KLHDC8A: variants seen among roughly 807,000 people sequenced by gnomAD.
The protein encoded by KLHDC8A is kelch domain-containing protein 8A.
Under a neutral mutation model 33.1 loss-of-function variants are expected in KLHDC8A, and 21 were observed. That is an observed-to-expected ratio of 0.64 (90% confidence interval 0.45 to 0.91). The LOEUF is 0.91. Ranked by LOEUF, KLHDC8A falls within the 40% of genes least tolerant of loss-of-function variation. The pLI is 0.00. For missense variants in KLHDC8A, 435 were observed against 483.3 expected (o/e 0.90, Z 0.94); for synonymous variants, 173 against 193.5 (o/e 0.89, Z 0.88).
At chr1:205,355,446 A>C (rs1663240208) in intron 1 of KLHDC8A, among the ~76,000 whole-genome samples, 1 of 152,116 alleles carries the variant, frequency 6.6e-6, no homozygotes, top group South Asian at 2.1e-4. Flanking sequence ...ATAGAACTTC[A>C]TCTATAACTA....
In KLHDC8A at chr1:205,343,427, T is replaced by C. The variant is rs1662849200; in HGVS notation, c.178A>G (p.Thr60Ala). The change falls in exon 2 of 6, where the codon ACC becomes GCC. Residue 60 changes from threonine (T) to alanine (A), a missense_variant. Coordinates refer to ENST00000367155, the MANE Select transcript of KLHDC8A (RefSeq NM_018203.3). ...GCTGTGGGCAGCCGGGGCAAGGCGGTCCACTGGTCGGCCTCCGGGGAGTAG... is the reference window on the plus strand; with the variant it reads ...GCTGTGGGCAGCCGGGGCAAGGCGGCCCACTGGTCGGCCTCCGGGGAGTAG... ...EVYSPEADQW[T>A]ALPRLPTARA... 3 of 1,613,284 alleles carry C rather than the reference T, an allele frequency of 1.9e-6. No individual in the cohort carries two copies. The highest frequency in any genetic ancestry group is 2.5e-6 in the Non-Finnish European group (3 of 1,179,808).
chr1:205,352,952 C>G (rs570358337), intron 1 of KLHDC8A, among the ~76,000 whole-genome samples: 59 of 152,374 alleles, frequency 3.9e-4, no homozygotes, highest in African/African-American at 1.3e-3. Context: ...CCAGACCTAA[C>G]AGCTGCCCCC....
chr1:205,343,134 A>C, intron 2 of KLHDC8A, 95 bp downstream of exon 2: 2 of 1,487,664 alleles, frequency 1.3e-6, no homozygotes, highest in South Asian at 1.3e-5. Flanking sequence ...ACTAAACTCC[A>C]CAGCCCACAG....
intron 1 of KLHDC8A, among the ~76,000 whole-genome samples, chr1:205,349,321 A>G (rs1460229620): frequency 1.3e-5 from 2 of 152,190 alleles, no homozygotes; most frequent in African/African-American, 4.8e-5. Context: ...TCCTTCAGCT[A>G]TCCTCCCTGC....
Position 205,339,816 on chromosome 1 carries a change from G to C in KLHDC8A, c.377-8C>G, listed in dbSNP as rs1254892923. ...CCGCATATACTCGGTAATCTAAGAA[G>C]AAAGGCCATACATGCCCCTGGCTTA... On this transcript the variant is annotated splice_polypyrimidine_tract_variant and splice_region_variant and intron_variant, in intron 2 of 5. Transcript: ENST00000367155. This position sits in a 1 kb window ranked among gnomAD's most constrained non-coding sequence, Gnocchi z 5.1. 1.9e-6 allele frequency: 3 copies of C among 1,612,916 alleles called. No homozygotes were observed. In the East Asian group the frequency reaches 6.7e-5, roughly 36 times the overall value.
intron 1 of KLHDC8A, among the ~76,000 whole-genome samples, chr1:205,353,872 G>A (rs532515154): frequency 2.0e-5 from 3 of 152,322 alleles, no homozygotes; most frequent in East Asian, 1.9e-4. Context: ...GCACTAAGAG[G>A]TCTATTTACA....
At position 205,354,107 on chromosome 1, in the gene KLHDC8A, G is replaced by A. The variant is rs548482543; in HGVS notation, c.-190+2426C>T. On this transcript the variant is annotated intron_variant, in intron 1 of 5. Transcript: ENST00000367155. ...CAGGGCAATTGGGACTTAGGCTTTA[G>A]GGATCCAGGCCCCACCTCAGCTCGC... 5.9e-5 allele frequency among the ~76,000 whole-genome samples: 9 copies of A among 152,340 alleles called. No homozygotes were observed. In the South Asian group the frequency reaches 1.0e-3, roughly 18 times the overall value.
chr1:205,356,833 C>T lies in KLHDC8A; in HGVS notation c.-490G>A, dbSNP rs1663291218. 1 of 286,996 alleles carries T rather than the reference C, an allele frequency of 3.5e-6. No homozygotes were observed. 17.8% of individuals were successfully genotyped at this position (286,996 alleles called of 1,614,324 possible). ...CTGAGTTCCAGGAGGCGTGACCCCC[C>T]TACTGAGAGGGCCTCAGCCAGCTCG... On this transcript the variant is annotated 5_prime_UTR_variant, in exon 1 of 6. Transcript: ENST00000367155.
In KLHDC8A at chr1:205,339,040, T is replaced by C. The variant is rs1459919792; in HGVS notation, c.757+154A>G. ...CAATGAAGGAATTTGATTCCAAGAGTAGCCCTGAGTGGAGAGGGGTGCTGA... is the reference window on the plus strand; with the variant it reads ...CAATGAAGGAATTTGATTCCAAGAGCAGCCCTGAGTGGAGAGGGGTGCTGA... On this transcript the variant is annotated intron_variant, in intron 4 of 5. Transcript: ENST00000367155. The surrounding 1 kb of genome is among the most constrained non-coding windows in gnomAD (Gnocchi z 5.1). Among the ~76,000 whole-genome samples, 2 of 151,794 alleles carry C rather than the reference T, an allele frequency of 1.3e-5. No individual in the cohort carries two copies. Among genetic ancestry groups the C allele is most frequent in the African/African-American group, 4.8e-5 (2 of 41,288 alleles).
In KLHDC8A at chr1:205,343,402, G is replaced by T. The variant is rs762201216; in HGVS notation, c.203C>A (p.Ala68Asp). The change falls in exon 2 of 6, where the codon GCC (alanine) becomes GAC (aspartate). Residue 68 changes from alanine (A) to aspartate (D), a missense_variant. Transcript: ENST00000367155. ...QWTALPRLPT[A>D]RAGVAVTALG... Reference sequence around the variant, plus strand: ...GGCGGTGACGGCCACCCCCGCCCGGGCTGTGGGCAGCCGGGGCAAGGCGGT... The same window carrying T: ...GGCGGTGACGGCCACCCCCGCCCGGTCTGTGGGCAGCCGGGGCAAGGCGGT... The T allele has an allele frequency of 6.2e-7, 1 of 1,613,202 alleles. No individual in the cohort carries two copies. Among genetic ancestry groups the T allele is most frequent in the East Asian group, 2.2e-5 (1 of 44,870 alleles).
intron 1 of KLHDC8A, among the ~76,000 whole-genome samples, chr1:205,353,246 A>G (rs930088340): frequency 6.6e-6 from 1 of 152,234 alleles, no homozygotes; most frequent in African/African-American, 2.4e-5. Flanking sequence ...TTGGGGAAAA[A>G]AAATCAAAAG....
rs1419029929 is a variant in KLHDC8A, at chr1:205,339,474, AG to A, written c.542-66del. ...GTCCCTGAGGACAGCGACAGTGAAA[AG>A]GGTTTCCCCTTTTGACAGTTACTCA... On this transcript the variant is annotated intron_variant, in intron 3 of 5. Coordinates refer to ENST00000367155, the MANE Select transcript of KLHDC8A (RefSeq NM_018203.3). This position sits in a 1 kb window ranked among gnomAD's most constrained non-coding sequence, Gnocchi z 5.1. 7 of 1,508,822 alleles carry A rather than the reference AG, an allele frequency of 4.6e-6. No individual in the cohort carries two copies. In the Admixed American group the frequency reaches 1.3e-4, roughly 27 times the overall value. The allele number at this position is 1,508,822 out of a possible 1,614,324, so 93.5% of individuals were successfully genotyped here.
Position 205,339,175 on chromosome 1 carries a change from G to C in KLHDC8A, c.757+19C>G. 1.2e-6 allele frequency: 2 copies of C among 1,606,264 alleles called. No individual in the cohort carries two copies. The highest frequency in any genetic ancestry group is 1.7e-6 in the Non-Finnish European group (2 of 1,173,790). On this transcript the variant is annotated intron_variant, in intron 4 of 5. Transcript: ENST00000367155. This position sits in a 1 kb window ranked among gnomAD's most constrained non-coding sequence, Gnocchi z 5.1. ...GGCAGTGGGCAGCCAGAGCTTCCTG[G>C]GGAAGGTGACCAGCTCACCCTGTTC...
At chr1:205,345,847 C>T (rs753752807) in intron 1 of KLHDC8A, among the ~76,000 whole-genome samples, 3 of 150,910 alleles carry the variant, frequency 2.0e-5, no homozygotes, top group African/African-American at 4.9e-5. Context: ...GGCCGAGGTA[C>T]GTGGATCACC....
chr1:205,343,012 A>T (rs1301872918), intron 2 of KLHDC8A, among the ~76,000 whole-genome samples: 1 of 152,054 alleles, frequency 6.6e-6, no homozygotes, highest in African/African-American at 2.4e-5. Context: ...GACCCCAAAT[A>T]GGTGTCTGGG....
intron 1 of KLHDC8A, among the ~76,000 whole-genome samples, chr1:205,349,064 G>C (rs1574913395): frequency 6.6e-6 from 1 of 152,156 alleles, no homozygotes; most frequent in East Asian, 1.9e-4. Context: ...CCCCAGCATA[G>C]AGAAGCCTCA....
chr1:205,345,206 G>A (rs1342980292), intron 1 of KLHDC8A, among the ~76,000 whole-genome samples: 1 of 152,132 alleles, frequency 6.6e-6, no homozygotes, highest in Admixed American at 6.5e-5. Context: ...GAAGACCTGG[G>A]TTTGAATCTT....
chr1:205,342,609 A>T (rs1285118985), intron 2 of KLHDC8A, among the ~76,000 whole-genome samples: 1 of 152,198 alleles, frequency 6.6e-6, no homozygotes, highest in Non-Finnish European at 1.5e-5. Context: ...GGAAGGTTGC[A>T]TCCCACTGCA....
In KLHDC8A at chr1:205,339,477, GT is replaced by G; in HGVS notation, c.542-69del. 6.7e-7 allele frequency: 1 copy of G among 1,503,640 alleles called. No homozygotes were observed. Among genetic ancestry groups the G allele is most frequent in the Non-Finnish European group, 9.2e-7 (1 of 1,092,628 alleles). The allele number at this position is 1,503,640 out of a possible 1,614,324, so 93.1% of individuals were successfully genotyped here. A position where few individuals can be genotyped will look rare whatever the true frequency, so the allele number is the denominator to read the frequency against. On this transcript the variant is annotated intron_variant, in intron 3 of 5. Coordinates refer to ENST00000367155, the MANE Select transcript of KLHDC8A (RefSeq NM_018203.3). This position sits in a 1 kb window ranked among gnomAD's most constrained non-coding sequence, Gnocchi z 5.1. ...CCTGAGGACAGCGACAGTGAAAAGG[GT>G]TTCCCCTTTTGACAGTTACTCATTC...
Sources: gnomAD v4.1 joint callset for allele counts (sites outside exome capture counted in the v4.1 genomes callset) on GRCh38, gnomAD v4.1.1 for gene constraint, Gnocchi (gnomAD v3.1) non-coding constraint, MANE v1.5 for transcripts, NCBI Gene and HGNC (gene_info 2026-07-23, HGNC 2026-07-21) for gene names.